The following CDC42BPA variants were observed in gnomAD, a reference collection of about 807,000 sequenced individuals.
CDC42BPA encodes the protein serine/threonine-protein kinase MRCK alpha.
A neutral mutation model predicts 223.5 loss-of-function variants in CDC42BPA; 80 were observed. That is an observed-to-expected ratio of 0.36 (90% confidence interval 0.30 to 0.43). The LOEUF is 0.43. CDC42BPA is among the 20% of genes least tolerant of loss of function. The probability of loss-of-function intolerance (pLI) is 1.00; values close to 1 mark genes in which losing one functional copy is unlikely to be tolerated. For missense variants in CDC42BPA, 1,743 were observed against 2,099.9 expected, an observed-to-expected ratio of 0.83 and a Z score of 3.32; for synonymous variants, 694 against 718.6, an observed-to-expected ratio of 0.97 and a Z score of 0.55.
intron 2 of CDC42BPA, among the ~76,000 whole-genome samples, chr1:227,221,868 C>G (rs115045936): frequency 0.021 from 3,150 of 151,654 alleles, 125 homozygotes; most frequent in African/African-American, 0.072. Flanking sequence ...AGCCATAAAA[C>G]CTAAAAATAT....
At chr1:227,021,884 G>A (rs998406346) in intron 32 of CDC42BPA, among the ~76,000 whole-genome samples, 20 of 151,926 alleles carry the variant, frequency 1.3e-4, no homozygotes, top group Non-Finnish European at 1.6e-4. Context: ...GCTGGGCATG[G>A]TGGTGCGTGC....
chr1:227,080,913 T>G lies in CDC42BPA; in HGVS notation c.2460A>C (p.Gln820His), dbSNP rs1289212351. ...KKESVAHWEA[Q>H]ITEIIQWVSD... Reference sequence around the variant, plus strand: ...CTCACCACTGAATTATTTCTGTGATTTGGGCTTCCCAATGTGCAACTGATT... The same window carrying G: ...CTCACCACTGAATTATTTCTGTGATGTGGGCTTCCCAATGTGCAACTGATT... The change falls in exon 17 of 37, where the codon CAA (glutamine) becomes CAC (histidine). Residue 820 changes from glutamine (Q) to histidine (H), a missense_variant. Gln to His is a conservative substitution (Grantham distance 24). This residue lies in a region of CDC42BPA where 464 missense variants were observed against 488.0 expected (regional missense o/e 0.95). Coordinates refer to ENST00000366766, the MANE Select transcript of CDC42BPA (RefSeq NM_001394014.1). The G allele has an allele frequency of 1.2e-6, 2 of 1,613,800 alleles. No individual in the cohort carries two copies. The highest frequency in any genetic ancestry group is 1.7e-6 in the Non-Finnish European group (2 of 1,179,876).
intron 23 of CDC42BPA, among the ~76,000 whole-genome samples, chr1:227,046,563 C>A (rs990799128): frequency 6.6e-6 from 1 of 152,116 alleles, no homozygotes; most frequent in South Asian, 2.1e-4. Flanking sequence ...ACAAAATTAA[C>A]GTATTGCTGA....
intron 19 of CDC42BPA, 94 bp downstream of exon 19, chr1:227,073,770 A>G: frequency 2.0e-6 from 2 of 1,022,874 alleles, no homozygotes; most frequent in South Asian, 3.5e-5. Flanking sequence ...ATTTTTCTAA[A>G]AGCAAGCAAT....
intron 5 of CDC42BPA, among the ~76,000 whole-genome samples, chr1:227,180,016 G>A (rs922619504): frequency 6.6e-6 from 1 of 152,060 alleles, no homozygotes; most frequent in Non-Finnish European, 1.5e-5. Flanking sequence ...AGACCAGCCT[G>A]GCCAACATGG....
chr1:227,231,227 T>A (rs12028820), intron 2 of CDC42BPA, among the ~76,000 whole-genome samples: 2 of 148,728 alleles, frequency 1.3e-5, no homozygotes, highest in Non-Finnish European at 3.0e-5. Context: ...TGAGTGAGAA[T>A]ATGCGGTGTT....
intron 19 of CDC42BPA, 143 bp from the exon 20 acceptor site, chr1:227,072,442 A>G (rs1678588883): frequency 3.4e-6 from 2 of 581,162 alleles, no homozygotes; most frequent in Non-Finnish European, 3.1e-6. Context: ...AAGAACAAAT[A>G]CAGCTTGCTA....
At chr1:227,293,910 T>G (rs1489261035) in intron 1 of CDC42BPA, among the ~76,000 whole-genome samples, 2 of 152,130 alleles carry the variant, frequency 1.3e-5, no homozygotes, top group Non-Finnish European at 2.9e-5. Context: ...AAAATGACAT[T>G]TAATCATAGA....
chr1:227,214,316 A>T (rs894742889), intron 2 of CDC42BPA, among the ~76,000 whole-genome samples: 2 of 152,206 alleles, frequency 1.3e-5, no homozygotes, highest in African/African-American at 4.8e-5. Context: ...TAATTACAGT[A>T]AGTGTATACA....
At chr1:227,196,124 A>G (rs968774266) in intron 4 of CDC42BPA, among the ~76,000 whole-genome samples, 5 of 152,010 alleles carry the variant, frequency 3.3e-5, no homozygotes, top group African/African-American at 1.2e-4. Flanking sequence ...CAGTCCAATG[A>G]AACAATGCTA....
chr1:227,297,307 C>T (rs951573700), intron 1 of CDC42BPA, among the ~76,000 whole-genome samples: 3 of 152,138 alleles, frequency 2.0e-5, no homozygotes, highest in Admixed American at 2.0e-4. Context: ...AAGCATGTAG[C>T]AAAACTCAAC....
At chr1:227,262,411 A>T (rs1171707557) in intron 1 of CDC42BPA, among the ~76,000 whole-genome samples, 1 of 152,158 alleles carries the variant, frequency 6.6e-6, no homozygotes, top group Non-Finnish European at 1.5e-5. Context: ...AAAACAGGGG[A>T]AAGTACAGAG....
intron 1 of CDC42BPA, among the ~76,000 whole-genome samples, chr1:227,301,549 A>AG (rs1691631549): frequency 1.3e-5 from 2 of 152,066 alleles, no homozygotes; most frequent in African/African-American, 4.8e-5. Context: ...TAGTACAGAC[A>AG]GGGTTTCACT....
At chr1:227,143,930 A>G (rs1463791806) in intron 8 of CDC42BPA, among the ~76,000 whole-genome samples, 1 of 152,232 alleles carries the variant, frequency 6.6e-6, no homozygotes, top group Non-Finnish European at 1.5e-5. Flanking sequence ...AATGATTCAT[A>G]ATTTGTTAAC....
At chr1:227,298,846 C>T (rs1212568019) in intron 1 of CDC42BPA, among the ~76,000 whole-genome samples, 1 of 152,066 alleles carries the variant, frequency 6.6e-6, no homozygotes, top group African/African-American at 2.4e-5. Context: ...ATTCAATATC[C>T]ATAAAAAAGG....
intron 2 of CDC42BPA, among the ~76,000 whole-genome samples, chr1:227,233,823 C>T (rs1678485268): frequency 6.6e-6 from 1 of 152,086 alleles, no homozygotes; most frequent in African/African-American, 2.4e-5. Flanking sequence ...ATCCCAGCTA[C>T]TCAGGAGGCT....
intron 35 of CDC42BPA, among the ~76,000 whole-genome samples, chr1:226,998,165 A>T (rs1662021916): frequency 6.6e-6 from 1 of 152,220 alleles, no homozygotes; most frequent in Non-Finnish European, 1.5e-5. Flanking sequence ...AAATGGAAAA[A>T]CATTCCATGC....
chr1:226,999,496 TGGTG>T (rs1170078476), intron 35 of CDC42BPA, among the ~76,000 whole-genome samples: 1 of 152,124 alleles, frequency 6.6e-6, no homozygotes, highest in Admixed American at 6.5e-5. Context: ...TTTACACTGT[TGGTG>T]GGAGTATAAG....
chr1:227,282,704 A>G (rs1688201030), intron 1 of CDC42BPA, among the ~76,000 whole-genome samples: 2 of 152,256 alleles, frequency 1.3e-5, no homozygotes, highest in African/African-American at 4.8e-5. Context: ...TCTTACATTT[A>G]TTCAAGTGCA....
Sources: gnomAD v4.1 joint callset for allele counts (sites outside exome capture counted in the v4.1 genomes callset) on GRCh38, gnomAD v4.1.1 for gene constraint, gnomAD v4.1.1 regional missense constraint, MANE v1.5 for transcripts, NCBI Gene and HGNC (gene_info 2026-07-23, HGNC 2026-07-21) for gene names.